PARVB: variants seen among roughly 807,000 people sequenced by gnomAD.
PARVB encodes the protein parvin beta, also known as beta-parvin.
A neutral mutation model predicts 47.0 loss-of-function variants in PARVB; 46 were observed. That is an observed-to-expected ratio of 0.98 (90% CI 0.77 to 1.25). The LOEUF (loss-of-function observed/expected upper bound fraction) is 1.25, where lower values mean the gene tolerates loss of function less well. Among genes scored for constraint, PARVB ranks in the 50% most tolerant of loss-of-function variants. PARVB has a pLI of 0.00. For synonymous variants in PARVB, 196 were observed against 196.3 expected, an observed-to-expected ratio of 1.00 and a Z score of 0.01; for missense variants, 473 against 471.6, an observed-to-expected ratio of 1.00 and a Z score of -0.03.
Position 44,005,922 on chromosome 22 carries a change from A to G in PARVB, c.211+6249A>G, listed in dbSNP as rs116027501. On this transcript the variant is annotated intron_variant, in intron 2 of 13. Transcript: ENST00000406477. ...ATCTGTGCTTCCGTTGCTTCATTCT[A>G]TTGTTTCTTTGTTTGTGCGTTTTGC... 3.1e-3 allele frequency among the ~76,000 whole-genome samples: 473 copies of G among 152,160 alleles called. 3 individuals carry two copies. The highest frequency in any genetic ancestry group is 0.011 in the African/African-American group (444 of 41,506).
intron 3 of PARVB, chr22:44,107,878 CTT>C (rs764331293): frequency 5.5e-5 from 8 of 144,820 alleles, no homozygotes; most frequent in Non-Finnish European, 3.1e-5. Context: ...TCCCTGAGTT[CTT>C]TTTTTTTTTT....
At chr22:44,056,925 CTGGGGG>C (rs2051322748) in intron 1 of PARVB, among the ~76,000 whole-genome samples, 2 of 86,788 alleles carry the variant, frequency 2.3e-5, no homozygotes, top group African/African-American at 8.9e-5. Flanking sequence ...TGGGACCGAG[CTGGGGG>C]CTGAGCTGGG....
intron 1 of PARVB, among the ~76,000 whole-genome samples, chr22:44,069,415 G>A (rs1451744764): frequency 1.3e-5 from 2 of 152,162 alleles, no homozygotes; most frequent in East Asian, 1.9e-4. Context: ...TGCTGGGGGC[G>A]AGTAGATCAT....
intron 1 of PARVB, among the ~76,000 whole-genome samples, chr22:44,028,542 C>T (rs2050771273): frequency 6.6e-6 from 1 of 152,128 alleles, no homozygotes; most frequent in East Asian, 1.9e-4. Context: ...TTTGTTGATC[C>T]ATTCACCTGC....
upstream of PARVB, chr22:44,024,276 T>A (rs112388263): frequency 1 from 919,811 of 920,054 alleles, 459,784 homozygotes; most frequent in Admixed American, 1. Context: ...GCCCTCGGCC[T>A]CTCCCCGGGG....
rs1188653235 is a variant in PARVB at position 44,049,810 on chromosome 22, T to C, written c.112+25359T>C. On this transcript the variant is annotated intron_variant, in intron 1 of 12. Coordinates refer to ENST00000338758, the MANE Select transcript of PARVB (RefSeq NM_013327.5). This position sits in a 1 kb window ranked among gnomAD's most constrained non-coding sequence, Gnocchi z 4.0. ...AACGGGCCATTTGGGGGCTCAGCCATCTGGCACATGGAGTGAGTAGGTTTT... is the reference window on the plus strand; with the variant it reads ...AACGGGCCATTTGGGGGCTCAGCCACCTGGCACATGGAGTGAGTAGGTTTT... 6.6e-6 allele frequency among the ~76,000 whole-genome samples: 1 copy of C among 152,264 alleles called. No homozygotes were observed. The highest frequency in any genetic ancestry group is 2.4e-5 in the African/African-American group (1 of 41,474).
chr22:44,104,494 G>A (rs528395639), intron 3 of PARVB: 2 of 152,784 alleles, frequency 1.3e-5, no homozygotes, highest in East Asian at 1.9e-4. Flanking sequence ...GCTATACTGA[G>A]CTTGGGCTGC....
chr22:44,083,925 A>T (rs1363990061), intron 1 of PARVB, among the ~76,000 whole-genome samples: 1 of 152,164 alleles, frequency 6.6e-6, no homozygotes, highest in Non-Finnish European at 1.5e-5. Flanking sequence ...AATGGCTTAA[A>T]AGCAAAACAG....
At chr22:44,069,617 C>G (rs1337747106) in intron 1 of PARVB, among the ~76,000 whole-genome samples, 1 of 152,152 alleles carries the variant, frequency 6.6e-6, no homozygotes, top group Non-Finnish European at 1.5e-5. Flanking sequence ...CAACCTCTGC[C>G]TCCCAGGTTC....
rs114439834 is a variant in PARVB, at chr22:44,137,258, C to T, written c.692+740C>T. 5.8e-3 allele frequency among the ~76,000 whole-genome samples: 880 copies of T among 152,318 alleles called. 6 individuals are homozygous for T. Among genetic ancestry groups the T allele is most frequent in the African/African-American group, 0.02 (844 of 41,560 alleles). Reference sequence around the variant, plus strand: ...AAACCACTCGTGGCTTGCAAGCTCTCAGGGAAGATGATGGGACAGTGGAGT... The same window carrying T: ...AAACCACTCGTGGCTTGCAAGCTCTTAGGGAAGATGATGGGACAGTGGAGT... On this transcript the variant is annotated intron_variant, in intron 7 of 12. Transcript: ENST00000338758.
At chr22:44,003,889 T>A (rs2050437439) in intron 2 of PARVB, among the ~76,000 whole-genome samples, 1 of 152,200 alleles carries the variant, frequency 6.6e-6, no homozygotes, top group Non-Finnish European at 1.5e-5. Flanking sequence ...TTACCTCCGA[T>A]GTCCCCTTCC....
intron 2 of PARVB, 118 bp from the exon 3 acceptor site, chr22:44,099,935 C>T: frequency 1.2e-6 from 1 of 800,728 alleles, no homozygotes. Flanking sequence ...AGTCACCCTC[C>T]CCTAGTGCTG....
intron 1 of PARVB, among the ~76,000 whole-genome samples, chr22:44,025,188 G>A (rs1458276319): frequency 1.3e-5 from 2 of 151,952 alleles, no homozygotes; most frequent in African/African-American, 2.4e-5. Context: ...AGAGGTGAGG[G>A]GAGCTGCTGT....
At chr22:44,069,463 A>G (rs974007653) in intron 1 of PARVB, among the ~76,000 whole-genome samples, 1 of 152,204 alleles carries the variant, frequency 6.6e-6, no homozygotes, top group Middle Eastern at 3.4e-3. Flanking sequence ...ATTCTCAGGC[A>G]CATGCTGCAA....
At chr22:44,151,235 G>A in intron 9 of PARVB, 1 of 449,272 alleles carries the variant, frequency 2.2e-6, no homozygotes, top group Non-Finnish European at 4.1e-6. Context: ...TGCGTGCACG[G>A]ATTGGCATAT....
intron 1 of PARVB, among the ~76,000 whole-genome samples, chr22:44,034,363 A>ATG (rs753984771): frequency 1.9e-4 from 28 of 144,162 alleles, no homozygotes; most frequent in African/African-American, 2.4e-4. Flanking sequence ...ATACATATAT[A>ATG]TTTGAGATGG....
intron 4 of PARVB, 92 bp downstream of exon 4, chr22:44,119,232 C>A: frequency 2.3e-6 from 2 of 877,908 alleles, no homozygotes; most frequent in Non-Finnish European, 3.8e-6. Flanking sequence ...TGACATCGGC[C>A]ACAGGTCCTA....
chr22:44,166,500 C>G (rs1279426820), intron 12 of PARVB, among the ~76,000 whole-genome samples: 1 of 152,202 alleles, frequency 6.6e-6, no homozygotes, highest in African/African-American at 2.4e-5. Context: ...GTGTTTGCCC[C>G]TGAGCCCGGA....
intron 1 of PARVB, among the ~76,000 whole-genome samples, chr22:44,090,476 T>C (rs1013198139): frequency 6.6e-6 from 1 of 152,212 alleles, no homozygotes; most frequent in Non-Finnish European, 1.5e-5. Context: ...TCAAGGGCGG[T>C]GTGGAAATCT....
Sources: gnomAD v4.1 joint callset for allele counts (sites outside exome capture counted in the v4.1 genomes callset) on GRCh38, gnomAD v4.1.1 for gene constraint, Gnocchi (gnomAD v3.1) non-coding constraint, MANE v1.5 for transcripts, NCBI Gene and HGNC (gene_info 2026-07-23, HGNC 2026-07-21) for gene names.